The following COQ8A variants were observed in gnomAD, a reference collection of about 807,000 sequenced individuals.
COQ8A encodes the protein atypical kinase COQ8A, mitochondrial.
A neutral mutation model predicts 65.0 loss-of-function variants in COQ8A; 51 were observed. That is an observed-to-expected ratio of 0.78 (90% CI 0.63 to 0.99). The LOEUF (loss-of-function observed/expected upper bound fraction) is 0.99. COQ8A is among the 50% of genes least tolerant of loss of function. The pLI is 0.00. For synonymous variants in COQ8A, 371 were observed against 353.2 expected (o/e 1.05, Z -0.57); for missense variants, 940 against 875.0 (o/e 1.07, Z -0.94).
At chr1:226,951,453 C>T (rs2148015703) in intron 1 of COQ8A, among the ~76,000 whole-genome samples, 1 of 152,278 alleles carries the variant, frequency 6.6e-6, no homozygotes, top group East Asian at 1.9e-4. Flanking sequence ...ACTTAGGGGC[C>T]ACCCTGGCCT....
At chr1:226,950,197 C>T (rs1009062682) in intron 1 of COQ8A, among the ~76,000 whole-genome samples, 8 of 152,124 alleles carry the variant, frequency 5.3e-5, no homozygotes, top group Admixed American at 2.0e-4. Flanking sequence ...CATGCAGGTT[C>T]GCTCACAGTG....
At chr1:226,967,296 GGGCA>G (rs1259087235) in intron 4 of COQ8A, among the ~76,000 whole-genome samples, 3 of 152,138 alleles carry the variant, frequency 2.0e-5, no homozygotes, top group African/African-American at 7.2e-5. Flanking sequence ...ATGATATTGA[GGGCA>G]GGAGCTACCC....
rs1253065327 is a variant in COQ8A at position 226,986,615 on chromosome 1, T to A, written c.1822T>A (p.Ser608Thr). 1 of 1,613,518 alleles carries A rather than the reference T, an allele frequency of 6.2e-7. No individual in the cohort carries two copies. The highest frequency in any genetic ancestry group is 8.5e-7 in the Non-Finnish European group (1 of 1,179,950). ...CGTCCCCCCACCCGAGGAAACCTAC[T>A]CCCTGCACAGGAAGATGGGGGGCTC... ...RLVPPPEETYSLHRKMGGSFL... is the reference protein window; with the variant it reads ...RLVPPPEETYTLHRKMGGSFL... Residue 608 changes from serine (S) to threonine (T), a missense_variant, in exon 15 of 15, where the codon TCC becomes ACC. Physicochemically the swap from Ser to Thr is moderately conservative, Grantham distance 58. Coordinates refer to ENST00000366777, the MANE Select transcript of COQ8A (RefSeq NM_020247.5).
chr1:226,943,664 G>T (rs995560057), intron 1 of COQ8A, among the ~76,000 whole-genome samples: 14 of 152,176 alleles, frequency 9.2e-5, no homozygotes, highest in African/African-American at 3.4e-4. Context: ...CTTAGTTTTA[G>T]ACATGATGGG....
intron 1 of COQ8A, among the ~76,000 whole-genome samples, chr1:226,947,927 T>C (rs1431642407): frequency 6.6e-6 from 1 of 152,206 alleles, no homozygotes; most frequent in Admixed American, 6.5e-5. Flanking sequence ...ACCACCCAGC[T>C]TGGTGCCTCG....
intron 1 of COQ8A, among the ~76,000 whole-genome samples, chr1:226,950,769 A>T (rs201680292): frequency 5.9e-5 from 8 of 136,058 alleles, no homozygotes; most frequent in African/African-American, 2.2e-4. Context: ...TTTTTTTTTT[A>T]AGAAAAAATT....
Position 226,972,609 on chromosome 1 carries a change from T to C in COQ8A, c.656-4840T>C, listed in dbSNP as rs2148083453. On this transcript the variant is annotated intron_variant, in intron 4 of 14. Transcript: ENST00000366777. The surrounding 1 kb of genome is among the most constrained non-coding windows in gnomAD (Gnocchi z 4.3). ...GCTTAGGCTGTTGGCTCTTGTTGCTTAATTTCCCAAAGATGCCAGTACACT... is the reference window on the plus strand; with the variant it reads ...GCTTAGGCTGTTGGCTCTTGTTGCTCAATTTCCCAAAGATGCCAGTACACT... Among the ~76,000 whole-genome samples the C allele has an allele frequency of 6.6e-6, 1 of 152,324 alleles. No individual in the cohort carries two copies. Among genetic ancestry groups the C allele is most frequent in the East Asian group, 1.9e-4 (1 of 5,186 alleles).
chr1:226,965,155 C>T lies in COQ8A; in HGVS notation c.333C>T (p.His111=), dbSNP rs767226240. The T allele has an allele frequency of 1.2e-6, 2 of 1,613,902 alleles. No individual in the cohort carries two copies. Among genetic ancestry groups the T allele is most frequent in the Admixed American group, 3.3e-5 (2 of 60,036 alleles). ...QSAPPSLGHA[H]SEGPAPAYVA... is the part of the protein sequence containing the mutation. ...CGCCCCCATCCCTGGGTCATGCCCA[C>T]AGCGAGGGCCCAGCTCCTGCCTACG... The change falls in exon 3 of 15, where the codon CAC becomes CAT. Residue 111 remains histidine, a synonymous_variant. Transcript: ENST00000366777.
chr1:226,973,325 G>A (rs1030301824), intron 4 of COQ8A, among the ~76,000 whole-genome samples: 1 of 152,222 alleles, frequency 6.6e-6, no homozygotes, highest in Non-Finnish European at 1.5e-5. Flanking sequence ...GTGTATTTCA[G>A]GAGCTCTGTG....
chr1:226,948,724 G>C (rs867048073), intron 1 of COQ8A, among the ~76,000 whole-genome samples: 2 of 152,092 alleles, frequency 1.3e-5, no homozygotes, highest in South Asian at 4.1e-4. Context: ...AGTTGTCTGA[G>C]ACAAGAGCCT....
intron 1 of COQ8A, among the ~76,000 whole-genome samples, chr1:226,947,223 T>G (rs916341040): frequency 6.6e-6 from 1 of 152,216 alleles, no homozygotes; most frequent in Non-Finnish European, 1.5e-5. Flanking sequence ...TTCTCTGCTA[T>G]CTCTCAGCTT....
At chr1:226,980,438 T>A in intron 5 of COQ8A, among the ~76,000 whole-genome samples, 1 of 152,234 alleles carries the variant, frequency 6.6e-6, no homozygotes, top group East Asian at 1.9e-4. Flanking sequence ...TCCTCTGGCC[T>A]GGGGCAGTGG....
intron 4 of COQ8A, among the ~76,000 whole-genome samples, chr1:226,973,476 C>A (rs1659017323): frequency 6.6e-6 from 1 of 152,202 alleles, no homozygotes; most frequent in African/African-American, 2.4e-5. Flanking sequence ...GTGTGGAAGT[C>A]TGAGCCTGGC....
Position 226,965,313 on chromosome 1 carries a change from A to T in COQ8A, c.491A>T (p.His164Leu). Residue 164 changes from histidine to leucine, a missense_variant, in exon 3 of 15, where the codon CAC becomes CTC. By Grantham distance (99) the His-to-Leu change is moderately conservative (BLOSUM62 -3). Coordinates refer to ENST00000366777, the MANE Select transcript of COQ8A (RefSeq NM_020247.5). ...ATGGGCTTTCAGCGAAGGTTCTTCC[A>T]CCAGGACCAATCCCCTGTTGGGGGC... is the stretch of plus-strand genomic sequence containing the variant. ...SAMGFQRRFFHQDQSPVGGLT... is the reference protein window; with the variant it reads ...SAMGFQRRFFLQDQSPVGGLT... 1.2e-6 allele frequency: 2 copies of T among 1,613,784 alleles called. No homozygotes were observed. The highest frequency in any genetic ancestry group is 8.5e-7 in the Non-Finnish European group (1 of 1,179,990).
intron 6 of COQ8A, chr1:226,982,446 T>C: frequency 1.5e-6 from 1 of 647,758 alleles, no homozygotes; most frequent in Non-Finnish European, 2.7e-6. Flanking sequence ...TGAAAAACTC[T>C]GCATGTTGAG....
chr1:226,982,747 C>T lies in COQ8A; in HGVS notation c.923C>T (p.Pro308Leu). 1 of 1,613,678 alleles carries T rather than the reference C, an allele frequency of 6.2e-7. No individual in the cohort carries two copies. The highest frequency in any genetic ancestry group is 1.3e-5 in the African/African-American group (1 of 75,064). ...GTGCGGCAGAGCGCGGACTTCATGC[C>T]ACTGAAGCAGATGATGGTGAGGAGC... ...ERVRQSADFM[P>L]LKQMMKTLNN... The change falls in exon 7 of 15, where the codon CCA becomes CTA. Residue 308 changes from proline to leucine, a missense_variant. Physicochemically the swap from Pro to Leu is moderately conservative, Grantham distance 98. Coordinates refer to ENST00000366777, the MANE Select transcript of COQ8A (RefSeq NM_020247.5).
chr1:226,941,984 C>A (rs1656725461), intron 1 of COQ8A, among the ~76,000 whole-genome samples: 2 of 152,036 alleles, frequency 1.3e-5, no homozygotes, highest in South Asian at 4.1e-4. Flanking sequence ...CATTTTGGAC[C>A]CATAATTCTT....
intron 2 of COQ8A, among the ~76,000 whole-genome samples, chr1:226,961,796 C>T (rs1658272773): frequency 6.6e-6 from 1 of 152,188 alleles, no homozygotes; most frequent in African/African-American, 2.4e-5. Flanking sequence ...ACGCTTATTT[C>T]TCAAAGTTCT....
In COQ8A at chr1:226,987,073, A is replaced by G. The variant is rs1205567847; in HGVS notation, c.*336A>G. 1.0e-5 allele frequency: 4 copies of G among 383,382 alleles called. No individual in the cohort carries two copies. The highest frequency in any genetic ancestry group is 9.8e-6 in the Non-Finnish European group (2 of 203,308). 23.7% of individuals were successfully genotyped at this position (383,382 alleles called of 1,614,324 possible). On this transcript the variant is annotated 3_prime_UTR_variant, in exon 15 of 15. Coordinates refer to ENST00000366777, the MANE Select transcript of COQ8A (RefSeq NM_020247.5). The stretch of plus-strand genomic sequence containing the variant: ...GGGAGAGAGTCCTTACTCCCTTCCA[A>G]TCTCTGTTCAGTGCAAAACCCAGAA...
Sources: allele counts gnomAD v4.1 joint callset (sites outside exome capture counted in the v4.1 genomes callset), GRCh38; gene constraint gnomAD v4.1.1; non-coding constraint Gnocchi (gnomAD v3.1); transcripts MANE v1.5; gene names NCBI Gene and HGNC (gene_info 2026-07-23, HGNC 2026-07-21).